TRPM3: variants seen among roughly 807,000 people sequenced by gnomAD.
TRPM3 encodes the protein long transient receptor potential channel 3.
TRPM3 carries 77 observed loss-of-function variants against 181.2 expected under a neutral mutation model. The ratio of observed to expected loss-of-function variants is 0.42; its 90% CI spans 0.35 to 0.51. The LOEUF is 0.51. Among genes scored for constraint, TRPM3 ranks in the 20% least tolerant of loss-of-function variants. The pLI is 0.01. For synonymous variants in TRPM3, 745 were observed against 796.4 expected, an observed-to-expected ratio of 0.94 and a Z score of 1.09; for missense variants, 1,759 against 2,196.7, an observed-to-expected ratio of 0.80 and a Z score of 3.98.
chr9:70,908,345 A>G (rs2096495230), intron 1 of TRPM3, among the ~76,000 whole-genome samples: 1 of 152,250 alleles, frequency 6.6e-6, no homozygotes, highest in African/African-American at 2.4e-5. Context: ...ATAGAAAGGT[A>G]GAGAGTTTCA....
chr9:71,126,274 G>A (rs1163107240), upstream of TRPM3, among the ~76,000 whole-genome samples: 1 of 152,204 alleles, frequency 6.6e-6, no homozygotes, highest in South Asian at 2.1e-4. Flanking sequence ...CTTTTACACT[G>A]TTGGTGGGAA....
chr9:70,590,975 AC>A (rs2058021507), intron 22 of TRPM3, 55 bp downstream of exon 22: 2 of 1,609,552 alleles, frequency 1.2e-6, no homozygotes, highest in African/African-American at 2.7e-5. Flanking sequence ...AAAAGACATA[AC>A]CGAATTGAAT....
intron 3 of TRPM3, among the ~76,000 whole-genome samples, chr9:70,860,744 GT>G (rs528203768): frequency 4.9e-4 from 75 of 152,256 alleles, no homozygotes; most frequent in African/African-American, 1.8e-3. Flanking sequence ...TAGTCAAAAT[GT>G]TTTTGCAATT....
intron 1 of TRPM3, among the ~76,000 whole-genome samples, chr9:71,399,526 G>GTTTTTTTT (rs1166936123): frequency 2.1e-4 from 13 of 62,720 alleles, no homozygotes; most frequent in African/African-American, 4.0e-4. Flanking sequence ...ATTTTCTTTT[G>GTTTTTTTT]TTTTTTTTTT....
Position 70,974,255 on chromosome 9 carries a change from C to T in TRPM3, c.178-109744G>A, listed in dbSNP as rs949927985. 6.6e-5 allele frequency among the ~76,000 whole-genome samples: 10 copies of T among 151,886 alleles called. No homozygotes were observed. In the East Asian group the frequency reaches 1.2e-3, roughly 18 times the overall value. The stretch of plus-strand genomic sequence containing the variant: ...AGGAGAAATGTGTTTAAATAATTTA[C>T]GTGGCCGGGCGCGGTGGTTCACGCC... On this transcript the variant is annotated intron_variant, in intron 1 of 25. Transcript: ENST00000677713.
At chr9:70,652,053 A>G (rs1414848205) in intron 9 of TRPM3, among the ~76,000 whole-genome samples, 1 of 152,254 alleles carries the variant, frequency 6.6e-6, no homozygotes, top group Non-Finnish European at 1.5e-5. Flanking sequence ...ATAGATCGAC[A>G]TGGGGTTGAT....
intron 1 of TRPM3, among the ~76,000 whole-genome samples, chr9:71,287,554 A>C (rs1504388): frequency 6.6e-6 from 1 of 151,774 alleles, no homozygotes; most frequent in Non-Finnish European, 1.5e-5. Flanking sequence ...AGGGTACAGA[A>C]GAAGGCCTTC....
rs1445947180 is a variant in TRPM3, at chr9:70,534,773, A to G, written c.*1180T>C. 1 of 152,226 alleles carries G rather than the reference A, an allele frequency of 6.6e-6. No individual in the cohort carries two copies. The highest frequency in any genetic ancestry group is 1.5e-5 in the Non-Finnish European group (1 of 68,054). 9.4% of individuals were successfully genotyped at this position (152,226 alleles called of 1,614,324 possible). On this transcript the variant is annotated 3_prime_UTR_variant, in exon 26 of 26. Coordinates refer to ENST00000677713, the MANE Select transcript of TRPM3 (RefSeq NM_001366145.2). ...ATAGAAAAGATACCAGCCCTTGAAA[A>G]ACTCCAATTAAATTTATGCTGAGCT...
At chr9:70,834,812 C>T (rs936161443) in intron 5 of TRPM3, among the ~76,000 whole-genome samples, 2 of 152,194 alleles carry the variant, frequency 1.3e-5, no homozygotes, top group African/African-American at 4.8e-5. Context: ...GCCAGAACCA[C>T]TCAGACAAGC....
chr9:71,237,012 ACTCCAGCCTGGG>A lies in TRPM3; in HGVS notation c.183+209629_183+209640del, dbSNP rs1380226744. Among the ~76,000 whole-genome samples, 5 of 129,580 alleles carry A rather than the reference ACTCCAGCCTGGG, an allele frequency of 3.9e-5. No homozygotes were observed. In the Admixed American group the frequency reaches 4.7e-4, roughly 12 times the overall value. 85.0% of individuals were successfully genotyped at this position (129,580 alleles called of 152,430 possible). ...CAGTGAGCCGAAATCGCACCACTGT[ACTCCAGCCTGGG>A]CGATAGAGCAAGACTCCATCAAAAA... On this transcript the variant is annotated intron_variant, in intron 1 of 24. Coordinates refer to the TRPM3 transcript ENST00000357533.
chr9:71,124,306 G>GA (rs80222499), upstream of TRPM3, among the ~76,000 whole-genome samples: 2,730 of 123,772 alleles, frequency 0.022, 25 homozygotes, highest in Middle Eastern at 0.046. Flanking sequence ...GGTCTAATGA[G>GA]AAAAAAAAAA....
At chr9:70,913,072 A>T (rs1371844853) in intron 1 of TRPM3, among the ~76,000 whole-genome samples, 1 of 152,224 alleles carries the variant, frequency 6.6e-6, no homozygotes, top group Non-Finnish European at 1.5e-5. Flanking sequence ...CTATAAATGT[A>T]GAACAGGGCT....
intron 1 of TRPM3, among the ~76,000 whole-genome samples, chr9:70,895,472 G>T (rs1266786108): frequency 1.3e-5 from 2 of 152,066 alleles, no homozygotes; most frequent in Non-Finnish European, 2.9e-5. Context: ...CTGATATTTT[G>T]ATTAGAATTG....
intron 1 of TRPM3, among the ~76,000 whole-genome samples, chr9:71,265,529 A>G (rs1326953089): frequency 2.6e-5 from 4 of 152,224 alleles, no homozygotes; most frequent in African/African-American, 9.6e-5. Flanking sequence ...ACATCAAGTC[A>G]ACCAAATTAA....
chr9:70,781,326 T>TAAAAAAAAAAAAAAAAAAAAAAAAAAA (rs35173071), intron 7 of TRPM3, among the ~76,000 whole-genome samples: 17 of 106,116 alleles, frequency 1.6e-4, no homozygotes, highest in South Asian at 3.6e-4. Context: ...TTCCATTTCA[T>TAAAAAAAAAAAAAAAAAAAAAAAAAAA]AAAAAAAAAA....
chr9:71,433,234 TGTA>T (rs936677719), intron 1 of TRPM3, among the ~76,000 whole-genome samples: 7 of 152,204 alleles, frequency 4.6e-5, no homozygotes, highest in African/African-American at 1.7e-4. Context: ...CATCTTGAAT[TGTA>T]GTTCCCATAA....
At chr9:70,813,149 G>A (rs12552632) in intron 6 of TRPM3, among the ~76,000 whole-genome samples, 17,615 of 152,140 alleles carry the variant, frequency 0.12, 1,233 homozygotes, top group African/African-American at 0.18. Context: ...TGAAAGCAAT[G>A]CGCTAAGTGA....
At chr9:71,004,794 T>A (rs1033598327) in intron 1 of TRPM3, among the ~76,000 whole-genome samples, 1 of 151,768 alleles carries the variant, frequency 6.6e-6, no homozygotes, top group Non-Finnish European at 1.5e-5. Context: ...ACAATAATAA[T>A]AAAAAGAAAT....
chr9:71,122,163 C>T (rs1446332022), upstream of TRPM3, among the ~76,000 whole-genome samples: 1 of 152,176 alleles, frequency 6.6e-6, no homozygotes, highest in Non-Finnish European at 1.5e-5. Flanking sequence ...TTCTCTGCAA[C>T]ACAAGTTTAA....
Sources: allele counts gnomAD v4.1 joint callset (sites outside exome capture counted in the v4.1 genomes callset), GRCh38; gene constraint gnomAD v4.1.1; transcripts MANE v1.5; gene names NCBI Gene and HGNC (gene_info 2026-07-23, HGNC 2026-07-21).